The following FGF1 variants were observed in gnomAD, a reference collection of about 807,000 sequenced individuals.
FGF1 encodes the protein fibroblast growth factor 1.
A neutral mutation model predicts 13.4 loss-of-function variants in FGF1; 9 were observed. The observed-to-expected ratio is 0.67, with a 90% CI of 0.40 to 1.17. FGF1 has a LOEUF of 1.17. FGF1 is among the 50% of genes most tolerant of loss of function. The pLI is 0.01. For synonymous variants in FGF1, 93 were observed against 79.0 expected, an observed-to-expected ratio of 1.18 and a Z score of -0.94; for missense variants, 156 against 192.7, an observed-to-expected ratio of 0.81 and a Z score of 1.13.
chr5:142,608,383 T>C (rs1758161978), intron 2 of FGF1, among the ~76,000 whole-genome samples: 1 of 151,986 alleles, frequency 6.6e-6, no homozygotes, highest in South Asian at 2.1e-4. Flanking sequence ...GGTTGTTTTA[T>C]GTCAGTGACA....
At chr5:142,667,274 A>G (rs910711031) in intron 1 of FGF1, among the ~76,000 whole-genome samples, 2 of 150,958 alleles carry the variant, frequency 1.3e-5, no homozygotes, top group African/African-American at 4.9e-5. Flanking sequence ...ACAGAGCGAG[A>G]CTCGGTCTCA....
intron 3 of FGF1, among the ~76,000 whole-genome samples, chr5:142,598,155 G>T (rs1397950883): frequency 6.6e-6 from 1 of 152,162 alleles, no homozygotes; most frequent in Non-Finnish European, 1.5e-5. Flanking sequence ...TATGTGGGTT[G>T]CCCACTCCCT....
At position 142,653,617 on chromosome 5, in the gene FGF1, C is replaced by G. The variant is rs115261434; in HGVS notation, c.-35+32340G>C. Among the ~76,000 whole-genome samples the G allele has an allele frequency of 1.4e-4, 22 of 152,352 alleles. No homozygotes were observed. The South Asian group carries it at 3.9e-3, about 27-fold the overall frequency. On this transcript the variant is annotated intron_variant, in intron 1 of 3. Transcript: ENST00000337706. Reference sequence around the variant, plus strand: ...TCACTGCCCCCTACAGCGAATTAACCCTGACCCATCTTTCAGATCTCAGCT... The same window carrying G: ...TCACTGCCCCCTACAGCGAATTAACGCTGACCCATCTTTCAGATCTCAGCT...
intron 1 of FGF1, among the ~76,000 whole-genome samples, chr5:142,634,124 C>T (rs1477474557): frequency 1.4e-5 from 2 of 144,538 alleles, no homozygotes; most frequent in Admixed American, 7.2e-5. Flanking sequence ...ATCCGGGAGG[C>T]GGAGCTTGCA....
chr5:142,625,029 C>T lies in FGF1; in HGVS notation c.-34-10868G>A, dbSNP rs73797923. ...ATACAACATATGCACCATACTACCTCGCTAAAATTACCCAAATTCTAGATT... is the reference window on the plus strand; with the variant it reads ...ATACAACATATGCACCATACTACCTTGCTAAAATTACCCAAATTCTAGATT... On this transcript the variant is annotated intron_variant, in intron 1 of 3. Coordinates refer to ENST00000337706, the MANE Select transcript of FGF1 (RefSeq NM_000800.5). 1.9e-3 allele frequency among the ~76,000 whole-genome samples: 282 copies of T among 152,300 alleles called. 1 individual carries two copies. The highest frequency in any genetic ancestry group is 6.4e-3 in the African/African-American group (267 of 41,562).
At chr5:142,659,395 A>G (rs1344214771) in intron 1 of FGF1, among the ~76,000 whole-genome samples, 2 of 151,892 alleles carry the variant, frequency 1.3e-5, no homozygotes, top group African/African-American at 2.4e-5. Flanking sequence ...CACCCAGCTA[A>G]TTTTTGTATT....
At chr5:142,633,104 A>G (rs911881023) in intron 1 of FGF1, among the ~76,000 whole-genome samples, 3 of 152,074 alleles carry the variant, frequency 2.0e-5, no homozygotes, top group Non-Finnish European at 4.4e-5. Context: ...GATTTTTAGT[A>G]GAGACGGGGT....
chr5:142,654,155 A>G (rs927239720), intron 1 of FGF1, among the ~76,000 whole-genome samples: 4 of 152,190 alleles, frequency 2.6e-5, no homozygotes, highest in African/African-American at 9.7e-5. Flanking sequence ...GACTGACATG[A>G]TCTGTTTATT....
intron 1 of FGF1, among the ~76,000 whole-genome samples, chr5:142,618,540 A>C (rs1008553887): frequency 2.0e-5 from 3 of 152,206 alleles, no homozygotes; most frequent in Non-Finnish European, 4.4e-5. Context: ...GGTGTGATCT[A>C]AGTCAGCTGT....
chr5:142,608,252 G>A (rs973860031), intron 2 of FGF1, among the ~76,000 whole-genome samples: 17 of 151,982 alleles, frequency 1.1e-4, no homozygotes, highest in Admixed American at 5.2e-4. Flanking sequence ...CCTGCTTTCC[G>A]CCTCTGCTCT....
At chr5:142,599,862 C>T (rs1167747805) in intron 3 of FGF1, among the ~76,000 whole-genome samples, 1 of 152,208 alleles carries the variant, frequency 6.6e-6, no homozygotes, top group Non-Finnish European at 1.5e-5. Context: ...CATCCTCACA[C>T]CCTTTCAGTA....
Position 142,608,688 on chromosome 5 carries a change from A to G in FGF1, c.169+5271T>C, listed in dbSNP as rs1158716749. 1.4e-4 allele frequency among the ~76,000 whole-genome samples: 20 copies of G among 144,936 alleles called. No individual in the cohort carries two copies. The East Asian group carries it at 4.0e-3, about 29-fold the overall frequency. On this transcript the variant is annotated intron_variant, in intron 2 of 3. Transcript: ENST00000337706. ...AAAAAGTTGTCTGGAAAATTTTGAT[A>G]CAGTCCAGAGACTGAATGACATATA...
At chr5:142,651,086 G>A (rs1767150892) in intron 1 of FGF1, among the ~76,000 whole-genome samples, 1 of 152,110 alleles carries the variant, frequency 6.6e-6, no homozygotes, top group Non-Finnish European at 1.5e-5. Flanking sequence ...AGAGGTGAAG[G>A]AAGGCGGCTG....
At chr5:142,632,495 AG>A (rs1435618901) in intron 1 of FGF1, among the ~76,000 whole-genome samples, 19 of 152,240 alleles carry the variant, frequency 1.2e-4, no homozygotes, top group Non-Finnish European at 1.5e-5. Flanking sequence ...TCAACAAAGC[AG>A]GGGACATCAG....
intron 1 of FGF1, among the ~76,000 whole-genome samples, chr5:142,653,094 G>A (rs1015411786): frequency 5.3e-5 from 8 of 152,076 alleles, no homozygotes; most frequent in African/African-American, 9.7e-5. Context: ...CATGCAGAGC[G>A]TCTCCAGAAA....
At chr5:142,608,038 G>T (rs115523337) in intron 2 of FGF1, among the ~76,000 whole-genome samples, 1 of 152,144 alleles carries the variant, frequency 6.6e-6, no homozygotes, top group Non-Finnish European at 1.5e-5. Flanking sequence ...TAGAAAAAAG[G>T]AAAAAGGGTT....
At chr5:142,616,456 G>GCAACAGACAGAAAATAAATATAATACCA (rs1760263991) in intron 1 of FGF1, among the ~76,000 whole-genome samples, 1 of 152,086 alleles carries the variant, frequency 6.6e-6, no homozygotes, top group Non-Finnish European at 1.5e-5. Flanking sequence ...ACATAATACA[G>GCAACAGACAGAAAATAAATATAATACCA]CAACAGACAG....
At chr5:142,661,282 A>G (rs1282723424) in intron 1 of FGF1, among the ~76,000 whole-genome samples, 27 of 152,172 alleles carry the variant, frequency 1.8e-4, no homozygotes, top group Admixed American at 1.8e-3. Context: ...AATGCAAATC[A>G]AAAGCGCAAT....
chr5:142,613,834 G>T, intron 2 of FGF1, 125 bp downstream of exon 2: 1 of 1,004,914 alleles, frequency 1.0e-6, no homozygotes, highest in Non-Finnish European at 1.4e-6. Flanking sequence ...CTCCACCTCT[G>T]AATGTGTCAT....
Sources: gnomAD v4.1 joint callset for allele counts (sites outside exome capture counted in the v4.1 genomes callset) on GRCh38, gnomAD v4.1.1 for gene constraint, MANE v1.5 for transcripts, NCBI Gene and HGNC (gene_info 2026-07-23, HGNC 2026-07-21) for gene names.